VRTN: variants seen among roughly 807,000 people sequenced by gnomAD.
VRTN encodes the protein vertnin.
VRTN carries 5 observed loss-of-function variants against 18.2 expected under a neutral mutation model. The ratio of observed to expected loss-of-function variants is 0.27; its 90% CI spans 0.14 to 0.58. The LOEUF is 0.58. VRTN is among the 20% of genes least tolerant of loss of function. VRTN has a pLI of 0.91. For missense variants in VRTN, 741 were observed against 939.4 expected (o/e 0.79, Z 2.76); for synonymous variants, 381 against 393.7 (o/e 0.97, Z 0.38).
intron 2 of VRTN, among the ~76,000 whole-genome samples, chr14:74,341,206 TCA>T (rs1238875457): frequency 2.0e-5 from 3 of 152,196 alleles, no homozygotes; most frequent in Admixed American, 2.0e-4. Flanking sequence ...GCTAAGAATT[TCA>T]CAGTTTTTCC....
At chr14:74,339,345 T>C (rs370611878) in intron 2 of VRTN, among the ~76,000 whole-genome samples, 12 of 152,166 alleles carry the variant, frequency 7.9e-5, no homozygotes, top group African/African-American at 2.9e-4. Context: ...GAGCTGAGAC[T>C]CAATTCTGGT....
At chr14:74,309,007 C>T (rs1475972389) in intron 1 of VRTN, among the ~76,000 whole-genome samples, 6 of 152,044 alleles carry the variant, frequency 3.9e-5, no homozygotes, top group Non-Finnish European at 1.5e-5. Flanking sequence ...GGATTACAGG[C>T]TTATGCCACC....
Position 74,358,874 on chromosome 14 carries a change from G to C in VRTN, c.2091G>C (p.Leu697=), listed in dbSNP as rs1195848670. The change falls in exon 2 of 2, where the codon CTG becomes CTC. Residue 697 remains leucine, a synonymous_variant. Transcript: ENST00000256362. The surrounding 1 kb of genome is among the most constrained non-coding windows in gnomAD (Gnocchi z 5.4). Reference sequence around the variant, plus strand: ...GGAAGCGAGCCCTCTATGACGGCCTGACCCTGGTAGATGGCTGACAGGGAG... The same window carrying C: ...GGAAGCGAGCCCTCTATGACGGCCTCACCCTGGTAGATGGCTGACAGGGAG... ...YMWKRALYDG[L]TLVDG The C allele has an allele frequency of 1.2e-6, 2 of 1,610,178 alleles. No homozygotes were observed. The highest frequency in any genetic ancestry group is 4.5e-5 in the East Asian group (2 of 44,796).
intron 1 of VRTN, among the ~76,000 whole-genome samples, chr14:74,320,608 A>C: frequency 3.7e-5 from 2 of 53,794 alleles, no homozygotes; most frequent in Non-Finnish European, 3.4e-5. Flanking sequence ...TTTTTTTGAG[A>C]CGGAGTCTTG....
At position 74,357,722 on chromosome 14, in the gene VRTN, C is replaced by A. The variant is rs899553993; in HGVS notation, c.939C>A (p.Arg313=). The change falls in exon 2 of 2, where the codon CGC becomes CGA. Residue 313 remains arginine, a synonymous_variant. Transcript: ENST00000256362. This position sits in a 1 kb window ranked among gnomAD's most constrained non-coding sequence, Gnocchi z 7.8. ...SQEHRQKVAA[R]FSAKHFLQDS... is the part of the protein sequence containing the mutation. Reference sequence around the variant, plus strand: ...AGCACCGGCAGAAGGTTGCTGCCCGCTTCTCCGCCAAGCACTTCCTGCAGG... The same window carrying A: ...AGCACCGGCAGAAGGTTGCTGCCCGATTCTCCGCCAAGCACTTCCTGCAGG... The A allele has an allele frequency of 6.2e-7, 1 of 1,613,568 alleles. No homozygotes were observed.
At chr14:74,304,284 G>A (rs2085272307) in intron 1 of VRTN, among the ~76,000 whole-genome samples, 1 of 151,930 alleles carries the variant, frequency 6.6e-6, no homozygotes, top group Non-Finnish European at 1.5e-5. Flanking sequence ...AGCCTCCCGA[G>A]TAGCTGGGAT....
chr14:74,350,931 G>A (rs982816435), intron 1 of VRTN, among the ~76,000 whole-genome samples: 2 of 152,200 alleles, frequency 1.3e-5, no homozygotes, highest in Non-Finnish European at 2.9e-5. Flanking sequence ...GCGTGTAAGG[G>A]TATAAAAATA....
At chr14:74,307,936 G>A (rs1424112171) in intron 1 of VRTN, among the ~76,000 whole-genome samples, 3 of 152,018 alleles carry the variant, frequency 2.0e-5, no homozygotes, top group Non-Finnish European at 4.4e-5. Flanking sequence ...CACCATATTG[G>A]CCAGGCTGGT....
intron 2 of VRTN, among the ~76,000 whole-genome samples, chr14:74,338,442 A>G (rs2085579422): frequency 6.6e-6 from 1 of 152,222 alleles, no homozygotes; most frequent in Non-Finnish European, 1.5e-5. Context: ...CTCTTACCAT[A>G]GAGAATTTGC....
intron 1 of VRTN, among the ~76,000 whole-genome samples, chr14:74,330,592 C>T (rs905044832): frequency 4.0e-5 from 6 of 151,896 alleles, no homozygotes; most frequent in African/African-American, 1.4e-4. Context: ...CAGGCATGTG[C>T]CACCACGCCC....
rs2140215037 is a variant in VRTN at position 74,357,402 on chromosome 14, C to T, written c.619C>T (p.Arg207Trp). Residue 207 changes from arginine (R) to tryptophan (W), a missense_variant, in exon 2 of 2, where the codon CGG (arginine) becomes TGG (tryptophan). This residue lies in a region of VRTN where 186 missense variants were observed against 288.3 expected (regional missense o/e 0.65). Transcript: ENST00000256362. This position sits in a 1 kb window ranked among gnomAD's most constrained non-coding sequence, Gnocchi z 7.8. ...CCGGCCCTACTTCAACCGTGTCATC[C>T]GGCCCCGCCGCTGCGACCACGTGCC... ...KIRPYFNRVI[R>W]PRRCDHVPST... is the part of the protein sequence containing the mutation. 6.2e-6 allele frequency: 10 copies of T among 1,612,952 alleles called. No individual in the cohort carries two copies. The highest frequency in any genetic ancestry group is 8.5e-6 in the Non-Finnish European group (10 of 1,180,008).
chr14:74,314,797 CTGAG>C (rs1050694630), intron 1 of VRTN, among the ~76,000 whole-genome samples: 1 of 152,162 alleles, frequency 6.6e-6, no homozygotes, highest in Non-Finnish European at 1.5e-5. Flanking sequence ...TAGTAACAGA[CTGAG>C]TGGGGAAACC....
Position 74,329,582 on chromosome 14 carries a change from A to AT in VRTN, c.-163-8127dup, listed in dbSNP as rs879853327. Among the ~76,000 whole-genome samples the AT allele has an allele frequency of 6.7e-3, 934 of 140,222 alleles. 3 individuals carry two copies. The highest frequency in any genetic ancestry group is 0.018 in the African/African-American group (702 of 38,338). 92.0% of individuals were successfully genotyped at this position (140,222 alleles called of 152,430 possible). On this transcript the variant is annotated intron_variant, in intron 1 of 2. Transcript: ENST00000557177. ...GCCATAGTGCCTGGCCTGTGGAGGC[A>AT]TTTTTTTTTTTTTTGAGACGGAGTC...
chr14:74,309,761 A>G (rs1363879674), intron 1 of VRTN, among the ~76,000 whole-genome samples: 1 of 152,158 alleles, frequency 6.6e-6, no homozygotes, highest in Non-Finnish European at 1.5e-5. Flanking sequence ...ACTGTTTTCT[A>G]ATGGGACCAA....
At chr14:74,312,144 C>A (rs2085392366) in intron 1 of VRTN, among the ~76,000 whole-genome samples, 2 of 152,206 alleles carry the variant, frequency 1.3e-5, no homozygotes, top group African/African-American at 2.4e-5. Flanking sequence ...ATTGTGCCAT[C>A]ATAAGTCAGG....
intron 1 of VRTN, among the ~76,000 whole-genome samples, chr14:74,349,402 G>A (rs910638373): frequency 6.6e-5 from 10 of 152,308 alleles, no homozygotes; most frequent in Admixed American, 4.6e-4. Context: ...GAGGCACGGC[G>A]CAAGGCTGGG....
At chr14:74,318,777 A>G (rs534742893) in intron 1 of VRTN, among the ~76,000 whole-genome samples, 1 of 146,012 alleles carries the variant, frequency 6.8e-6, no homozygotes, top group East Asian at 2.1e-4. Flanking sequence ...GCAATGGCCC[A>G]ATCTTGGCTC....
rs147923458 is a variant in VRTN, at chr14:74,341,032, G to A, written c.-2+3148G>A. Among the ~76,000 whole-genome samples the A allele has an allele frequency of 2.4e-4, 37 of 152,226 alleles. No homozygotes were observed. In the East Asian group the frequency reaches 7.0e-3, roughly 29 times the overall value. On this transcript the variant is annotated intron_variant, in intron 2 of 2. Transcript: ENST00000557177. ...GCTGGGATTACAGGTGTGAGCCACC[G>A]TGCCCAGCTGAAATAACAAATTATT...
chr14:74,323,684 A>G (rs2085469971), intron 1 of VRTN, among the ~76,000 whole-genome samples: 1 of 152,096 alleles, frequency 6.6e-6, no homozygotes, highest in Non-Finnish European at 1.5e-5. Flanking sequence ...GTGGAGTCCA[A>G]GAGTTAGTAC....
Sources: allele counts gnomAD v4.1 joint callset (sites outside exome capture counted in the v4.1 genomes callset), GRCh38; gene constraint gnomAD v4.1.1; regional missense constraint gnomAD v4.1.1; non-coding constraint Gnocchi (gnomAD v3.1); transcripts MANE v1.5; gene names NCBI Gene and HGNC (gene_info 2026-07-23, HGNC 2026-07-21).